Variants in NTNG1 observed in about 807,000 individuals in gnomAD.
The protein encoded by NTNG1 is netrin-G1.
In NTNG1, 16 loss-of-function variants were observed where a neutral mutation model predicts 54.0. The observed-to-expected ratio is 0.30, with a 90% CI of 0.20 to 0.45. The LOEUF is 0.45. Ranked by LOEUF, NTNG1 falls within the 20% of genes least tolerant of loss-of-function variation. The pLI is 1.00. For synonymous variants in NTNG1, 255 were observed against 263.1 expected (o/e 0.97, Z 0.30); for missense variants, 530 against 678.7 (o/e 0.78, Z 2.43).
chr1:107,340,116 A>G (rs948035783), intron 3 of NTNG1, among the ~76,000 whole-genome samples: 3 of 152,102 alleles, frequency 2.0e-5, no homozygotes, highest in Non-Finnish European at 2.9e-5. Flanking sequence ...TCCATATGTT[A>G]TCTTAAACTA....
At chr1:107,242,676 T>C (rs1661924170) in intron 2 of NTNG1, among the ~76,000 whole-genome samples, 1 of 152,186 alleles carries the variant, frequency 6.6e-6, no homozygotes, top group Admixed American at 6.5e-5. Context: ...TGTATTTTTA[T>C]ATAGAAAATG....
chr1:107,374,915 G>A (rs553969176), intron 3 of NTNG1, among the ~76,000 whole-genome samples: 6 of 152,164 alleles, frequency 3.9e-5, no homozygotes, highest in Non-Finnish European at 7.4e-5. Flanking sequence ...GTTCACAGTA[G>A]TCTAGGGTTA....
rs1046661711 is a variant in NTNG1 at position 107,483,064 on chromosome 1, T to A, written c.*2224T>A. On this transcript the variant is annotated 3_prime_UTR_variant, in exon 8 of 8. Coordinates refer to ENST00000370068, the MANE Select transcript of NTNG1 (RefSeq NM_001113226.3). The stretch of plus-strand genomic sequence containing the variant: ...ATTTCAGGCTCACCAAAGAAACACA[T>A]GAAAATGCTGATAACATAGGGAGTT... 2.0e-5 allele frequency: 3 copies of A among 152,178 alleles called. No individual in the cohort carries two copies. Among genetic ancestry groups the A allele is most frequent in the Non-Finnish European group, 2.9e-5 (2 of 68,024 alleles). The allele number at this position is 152,178 out of a possible 1,614,324, so 9.4% of individuals were successfully genotyped here. A position where few individuals can be genotyped will look rare whatever the true frequency, so the allele number is the denominator to read the frequency against.
intron 2 of NTNG1, among the ~76,000 whole-genome samples, chr1:107,251,712 C>T (rs1187188803): frequency 2.0e-5 from 3 of 152,174 alleles, no homozygotes; most frequent in East Asian, 1.9e-4. Context: ...TTCTCAGTGG[C>T]CAGAAGCTAG....
intron 2 of NTNG1, among the ~76,000 whole-genome samples, chr1:107,276,271 C>T (rs537709360): frequency 1.3e-5 from 2 of 152,226 alleles, no homozygotes; most frequent in South Asian, 2.1e-4. Flanking sequence ...ATTTACTAGA[C>T]TTCAGTATTA....
intron 2 of NTNG1, among the ~76,000 whole-genome samples, chr1:107,216,293 T>C (rs1363959103): frequency 1.3e-5 from 2 of 152,226 alleles, no homozygotes; most frequent in African/African-American, 4.8e-5. Flanking sequence ...TTGTCATAGA[T>C]GGCTTTTATT....
intron 7 of NTNG1, among the ~76,000 whole-genome samples, chr1:107,447,665 C>T (rs1676388848): frequency 6.6e-6 from 1 of 152,128 alleles, no homozygotes; most frequent in South Asian, 2.1e-4. Flanking sequence ...ATAGAAACAT[C>T]TAATAAAACA....
chr1:107,221,767 A>C lies in NTNG1; in HGVS notation c.246+72928A>C, dbSNP rs79503686. Among the ~76,000 whole-genome samples the C allele has an allele frequency of 6.8e-3, 1,039 of 152,256 alleles. 11 individuals carry two copies. Among genetic ancestry groups the C allele is most frequent in the African/African-American group, 0.024 (993 of 41,556 alleles). ...ATGTGAGCTCTGTTCAGTAAAAAAG[A>C]GAGTGGGACATTTTTGACCAAAGGA... On this transcript the variant is annotated intron_variant, in intron 2 of 7. Coordinates refer to ENST00000370068, the MANE Select transcript of NTNG1 (RefSeq NM_001113226.3).
chr1:107,245,217 A>G (rs1662118539), intron 2 of NTNG1, among the ~76,000 whole-genome samples: 2 of 152,246 alleles, frequency 1.3e-5, no homozygotes, highest in South Asian at 4.1e-4. Context: ...ATAGATGACT[A>G]AAAATCCAGT....
intron 7 of NTNG1, among the ~76,000 whole-genome samples, chr1:107,472,055 G>T (rs1240494029): frequency 6.6e-6 from 1 of 152,152 alleles, no homozygotes; most frequent in Non-Finnish European, 1.5e-5. Flanking sequence ...GCACAAAGAG[G>T]TTAAGTGATT....
intron 3 of NTNG1, among the ~76,000 whole-genome samples, chr1:107,341,470 T>C (rs956449149): frequency 1.3e-5 from 2 of 152,152 alleles, no homozygotes; most frequent in East Asian, 3.9e-4. Flanking sequence ...GCAAGCTTAG[T>C]TTTCTAAGAT....
chr1:107,267,198 T>C (rs1022926077), intron 2 of NTNG1, among the ~76,000 whole-genome samples: 51 of 152,336 alleles, frequency 3.3e-4, no homozygotes, highest in African/African-American at 1.2e-3. Flanking sequence ...ACCTATATGG[T>C]TGTTATACAG....
At chr1:107,389,248 T>G (rs1461008359) in intron 3 of NTNG1, among the ~76,000 whole-genome samples, 3 of 152,214 alleles carry the variant, frequency 2.0e-5, no homozygotes, top group Non-Finnish European at 4.4e-5. Flanking sequence ...AAACTCTGAC[T>G]GCACAACAGG....
chr1:107,172,192 T>A (rs1314155112), intron 2 of NTNG1, among the ~76,000 whole-genome samples: 2 of 152,188 alleles, frequency 1.3e-5, no homozygotes, highest in African/African-American at 4.8e-5. Flanking sequence ...TTGAGAACAC[T>A]GAGACTCAGA....
chr1:107,265,350 A>G (rs1663664515), intron 2 of NTNG1, among the ~76,000 whole-genome samples: 2 of 152,116 alleles, frequency 1.3e-5, no homozygotes, highest in South Asian at 2.1e-4. Flanking sequence ...ATTTTCTTTC[A>G]TGACAATTCA....
chr1:107,343,010 C>G (rs192902167), intron 3 of NTNG1, among the ~76,000 whole-genome samples: 1 of 152,068 alleles, frequency 6.6e-6, no homozygotes, highest in Non-Finnish European at 1.5e-5. Flanking sequence ...TCAGTGTTTG[C>G]AACCTCCACC....
At chr1:107,289,857 A>G (rs1665465910) in intron 2 of NTNG1, among the ~76,000 whole-genome samples, 1 of 152,160 alleles carries the variant, frequency 6.6e-6, no homozygotes, top group East Asian at 1.9e-4. Context: ...ATTTACATTC[A>G]GTTGATTTTT....
chr1:107,204,914 C>T (rs757813152), intron 2 of NTNG1, among the ~76,000 whole-genome samples: 6 of 152,082 alleles, frequency 3.9e-5, no homozygotes, highest in African/African-American at 9.7e-5. Flanking sequence ...GCAGGTGATA[C>T]GGGAGTTACT....
chr1:107,244,417 T>C (rs1662050728), intron 2 of NTNG1, among the ~76,000 whole-genome samples: 1 of 152,162 alleles, frequency 6.6e-6, no homozygotes, highest in Non-Finnish European at 1.5e-5. Context: ...CCACGTGAGG[T>C]ATCCTGTATT....
Sources: allele counts gnomAD v4.1 joint callset (sites outside exome capture counted in the v4.1 genomes callset), GRCh38; gene constraint gnomAD v4.1.1; transcripts MANE v1.5; gene names NCBI Gene and HGNC (gene_info 2026-07-23, HGNC 2026-07-21).